The following MYO5B variants were observed in gnomAD, a reference collection of about 807,000 sequenced individuals.
MYO5B encodes myosin VB.
Under a neutral mutation model 229.3 loss-of-function variants are expected in MYO5B, and 143 were observed. The observed-to-expected ratio is 0.62, with a 90% CI of 0.54 to 0.72. The LOEUF is 0.72. Ranked by LOEUF, MYO5B falls within the 30% of genes least tolerant of loss-of-function variation. The pLI is 0.00. For synonymous variants in MYO5B, 918 were observed against 885.2 expected, an observed-to-expected ratio of 1.04 and a Z score of -0.66; for missense variants, 2,321 against 2,331.0, an observed-to-expected ratio of 1.00 and a Z score of 0.09.
rs567914431 is a variant in MYO5B at position 50,144,428 on chromosome 18, C to T, written c.27+50339G>A. ...TTTTTTGGTTTGAGCTTGCCCTTCA[C>T]TTAAAAGAGGATAGGCAGGGTTCTG... On this transcript the variant is annotated intron_variant, in intron 1 of 39. Coordinates refer to ENST00000285039, the MANE Select transcript of MYO5B (RefSeq NM_001080467.3). Among the ~76,000 whole-genome samples, 22 of 152,262 alleles carry T rather than the reference C, an allele frequency of 1.4e-4. No individual in the cohort carries two copies. In the East Asian group the frequency reaches 4.1e-3, roughly 28 times the overall value.
rs921450204 is a variant in MYO5B at position 49,826,729 on chromosome 18, G to A, written c.5395-106C>T. ...GCATATATCATGGAAAGATTTCTAC[G>A]ACAATTAGGTAGAACTTCAGGACTA... On this transcript the variant is annotated intron_variant, in intron 39 of 39. Coordinates refer to ENST00000285039, the MANE Select transcript of MYO5B (RefSeq NM_001080467.3). The A allele has an allele frequency of 5.4e-5, 72 of 1,323,876 alleles. 1 individual carries two copies. The highest frequency in any genetic ancestry group is 3.0e-4 in the East Asian group (13 of 43,138). The allele number at this position is 1,323,876 out of a possible 1,614,324, so 82.0% of individuals were successfully genotyped here.
chr18:49,848,932 G>A (rs909165905), intron 32 of MYO5B, among the ~76,000 whole-genome samples: 2 of 151,972 alleles, frequency 1.3e-5, no homozygotes, highest in Admixed American at 6.6e-5. Flanking sequence ...ACACAAGTGG[G>A]GTCAGGACTG....
intron 10 of MYO5B, among the ~76,000 whole-genome samples, chr18:49,968,881 C>T (rs2025656871): frequency 6.6e-6 from 1 of 152,162 alleles, no homozygotes; most frequent in Non-Finnish European, 1.5e-5. Context: ...TGTGGGAGTA[C>T]TGGCATGGAC....
intron 10 of MYO5B, among the ~76,000 whole-genome samples, chr18:49,964,217 C>T (rs1040360711): frequency 6.6e-6 from 1 of 152,142 alleles, no homozygotes; most frequent in Non-Finnish European, 1.5e-5. Flanking sequence ...TGTTATGACC[C>T]CACCTCCAGC....
chr18:50,036,004 G>T (rs1437681965), intron 4 of MYO5B, among the ~76,000 whole-genome samples: 2 of 152,114 alleles, frequency 1.3e-5, no homozygotes. Flanking sequence ...AGACCACCTA[G>T]AATGGGATTC....
intron 4 of MYO5B, among the ~76,000 whole-genome samples, chr18:50,015,425 G>C (rs1299812071): frequency 1.3e-5 from 2 of 152,102 alleles, no homozygotes; most frequent in African/African-American, 4.8e-5. Flanking sequence ...AAACTATTCT[G>C]GGTGTTCCTT....
rs201960596 is a variant in MYO5B at position 49,933,629 on chromosome 18, A to C, written c.2003+2623T>G. Among the ~76,000 whole-genome samples the C allele has an allele frequency of 1.2e-4, 18 of 152,320 alleles. 1 individual carries two copies. In the South Asian group the frequency reaches 1.4e-3, roughly 12 times the overall value. ...GCTGTCACAATGATGGGATGCTTGT[A>C]GCATCTAGTGGGTAGAGGCCAAGGA... is the stretch of plus-strand genomic sequence containing the variant. On this transcript the variant is annotated intron_variant, in intron 16 of 39. Transcript: ENST00000285039.
At chr18:50,188,664 G>T (rs751041663) in intron 1 of MYO5B, among the ~76,000 whole-genome samples, 9 of 151,986 alleles carry the variant, frequency 5.9e-5, no homozygotes, top group Admixed American at 2.0e-4. Flanking sequence ...GCACACACCT[G>T]TAGTCCCAGA....
chr18:50,108,003 G>C (rs571416239), intron 1 of MYO5B, among the ~76,000 whole-genome samples: 21 of 148,900 alleles, frequency 1.4e-4, no homozygotes, highest in Non-Finnish European at 2.8e-4. Flanking sequence ...TCGCCTCCCA[G>C]GTTCAAGCAA....
intron 27 of MYO5B, among the ~76,000 whole-genome samples, chr18:49,868,864 A>C (rs1464712695): frequency 6.6e-6 from 1 of 152,250 alleles, no homozygotes; most frequent in African/African-American, 2.4e-5. Flanking sequence ...AGCCTTGTGC[A>C]GGGTACGTAG....
At chr18:49,991,815 A>C (rs1036330628) in intron 6 of MYO5B, among the ~76,000 whole-genome samples, 5 of 151,828 alleles carry the variant, frequency 3.3e-5, no homozygotes, top group Admixed American at 2.6e-4. Context: ...CCAGAACTTA[A>C]AGTATAATTT....
rs2026045280 is a variant in MYO5B, at chr18:50,001,363, C to T, written c.504G>A (p.Gly168=). 1 of 1,614,172 alleles carries T rather than the reference C, an allele frequency of 6.2e-7. No homozygotes were observed. The highest frequency in any genetic ancestry group is 1.1e-5 in the South Asian group (1 of 91,080). Residue 168 remains glycine, a synonymous_variant, in exon 5 of 40, where the codon GGG becomes GGA. Transcript: ENST00000285039. ...TGGCATACTTGGCTGATACCGTCTT[C>T]CCGGCTCCAGACTCCCCACTGACTA... ...SIIVSGESGA[G]KTVSAKYAMR...
Position 50,092,325 on chromosome 18 carries a change from T to A in MYO5B, c.28-36947A>T, listed in dbSNP as rs540792961. 7.2e-5 allele frequency among the ~76,000 whole-genome samples: 11 copies of A among 152,286 alleles called. No homozygotes were observed. In the South Asian group the frequency reaches 1.5e-3, roughly 20 times the overall value. ...CAAGAAACAGTGATGGGAGCAGCAT[T>A]AAAAGGAAGAATGGGTCTTGCATTT... is the stretch of plus-strand genomic sequence containing the variant. On this transcript the variant is annotated intron_variant, in intron 1 of 39. Transcript: ENST00000285039.
intron 14 of MYO5B, among the ~76,000 whole-genome samples, chr18:49,945,368 G>C (rs2025359935): frequency 6.6e-6 from 1 of 152,108 alleles, no homozygotes; most frequent in Non-Finnish European, 1.5e-5. Flanking sequence ...TGACTTCCTA[G>C]GTTAGGCTAG....
chr18:50,096,601 A>C (rs994253862), intron 1 of MYO5B, among the ~76,000 whole-genome samples: 2 of 152,146 alleles, frequency 1.3e-5, no homozygotes, highest in African/African-American at 4.8e-5. Flanking sequence ...GCTGATCTCC[A>C]CTGGTCACCA....
At chr18:49,939,142 T>G (rs1048324070) in intron 14 of MYO5B, among the ~76,000 whole-genome samples, 1 of 133,600 alleles carries the variant, frequency 7.5e-6, no homozygotes, top group Non-Finnish European at 1.6e-5. Context: ...ACTCTTTCTT[T>G]TTTTTCTTTT....
chr18:49,901,522 A>G lies in MYO5B; in HGVS notation c.2811+1072T>C, dbSNP rs145331458. Among the ~76,000 whole-genome samples the G allele has an allele frequency of 8.7e-3, 1,330 of 152,294 alleles. 27 individuals carry two copies. The highest frequency in any genetic ancestry group is 0.03 in the African/African-American group (1,233 of 41,550). ...AAGCTTAAAAATAAGAGTGCTAACC[A>G]TTTTTCAAGTTTCTCCTACTGCATA... On this transcript the variant is annotated intron_variant, in intron 21 of 39. Coordinates refer to ENST00000285039, the MANE Select transcript of MYO5B (RefSeq NM_001080467.3).
chr18:49,995,981 G>A (rs536425221), intron 5 of MYO5B, among the ~76,000 whole-genome samples: 7 of 152,222 alleles, frequency 4.6e-5, no homozygotes, highest in Non-Finnish European at 8.8e-5. Flanking sequence ...ATGTCATACA[G>A]ATGTAATCAG....
rs1568600105 is a variant in MYO5B at position 49,830,171 on chromosome 18, A to AC, written c.5395-3549_5395-3548insG. Among the ~76,000 whole-genome samples, 11 of 150,642 alleles carry AC rather than the reference A, an allele frequency of 7.3e-5. No individual in the cohort carries two copies. In the East Asian group the frequency reaches 1.2e-3, roughly 16 times the overall value. On this transcript the variant is annotated intron_variant, in intron 39 of 39. Transcript: ENST00000285039. Reference sequence around the variant, plus strand: ...CACACACACACACACACACACACACAAATATTGCTAGAGCTAATGAATTCA... The same window carrying AC: ...CACACACACACACACACACACACACACAATATTGCTAGAGCTAATGAATTCA...
Sources: allele counts gnomAD v4.1 joint callset (sites outside exome capture counted in the v4.1 genomes callset), GRCh38; gene constraint gnomAD v4.1.1; transcripts MANE v1.5; gene names NCBI Gene and HGNC (gene_info 2026-07-23, HGNC 2026-07-21).